RPTOR: variants seen among roughly 807,000 people sequenced by gnomAD.
The protein encoded by RPTOR is regulatory associated protein of MTOR complex 1.
RPTOR carries 21 observed loss-of-function variants against 169.9 expected under a neutral mutation model. That is an observed-to-expected ratio of 0.12 (90% CI 0.09 to 0.18). RPTOR has a LOEUF of 0.18. RPTOR is among the 10% of genes least tolerant of loss of function. The pLI, the probability that RPTOR is intolerant of heterozygous loss-of-function variation, is 1.00. For synonymous variants in RPTOR, 732 were observed against 753.2 expected (o/e 0.97, Z 0.46); for missense variants, 1,133 against 1,855.9 (o/e 0.61, Z 7.16).
intron 7 of RPTOR, chr17:80,802,754 G>GC (rs1483102563): frequency 2.0e-5 from 3 of 152,542 alleles, no homozygotes; most frequent in East Asian, 3.9e-4. Context: ...CCGCAGTGAG[G>GC]CTGAGCGTGT....
chr17:80,874,754 A>G (rs1330065567), intron 13 of RPTOR, among the ~76,000 whole-genome samples: 1 of 152,132 alleles, frequency 6.6e-6, no homozygotes, highest in Non-Finnish European at 1.5e-5. Context: ...TCAACATCTC[A>G]GCACAGCCCT....
chr17:80,601,009 G>A (rs2065181879), intron 1 of RPTOR, among the ~76,000 whole-genome samples: 1 of 152,144 alleles, frequency 6.6e-6, no homozygotes, highest in Non-Finnish European at 1.5e-5. Flanking sequence ...GATCTGGATG[G>A]GCTGTGACTG....
intron 5 of RPTOR, among the ~76,000 whole-genome samples, chr17:80,738,822 A>T (rs1032344619): frequency 6.6e-6 from 1 of 152,234 alleles, no homozygotes; most frequent in Admixed American, 6.5e-5. Context: ...TGTCTTCTTT[A>T]GATGTATCCA....
rs1489321825 is a variant in RPTOR, at chr17:80,921,799, C to A, written c.2521-925C>A. Among the ~76,000 whole-genome samples, 3 of 152,150 alleles carry A rather than the reference C, an allele frequency of 2.0e-5. No homozygotes were observed. The East Asian group carries it at 5.8e-4, about 29-fold the overall frequency. ...TGCCAGCTGTGCACCACCCTGCTCCCCACCCTCCGGGAGCAGCCATCCCCT... is the reference window on the plus strand; with the variant it reads ...TGCCAGCTGTGCACCACCCTGCTCCACACCCTCCGGGAGCAGCCATCCCCT... On this transcript the variant is annotated intron_variant, in intron 21 of 33. Coordinates refer to ENST00000306801, the MANE Select transcript of RPTOR (RefSeq NM_020761.3).
intron 3 of RPTOR, among the ~76,000 whole-genome samples, chr17:80,692,958 C>T (rs756342220): frequency 1.4e-4 from 21 of 152,210 alleles, no homozygotes; most frequent in African/African-American, 3.9e-4. Context: ...TGTGATGACA[C>T]GTATGCGTAA....
At chr17:80,596,593 TA>T (rs1423623459) in intron 1 of RPTOR, among the ~76,000 whole-genome samples, 1 of 152,204 alleles carries the variant, frequency 6.6e-6, no homozygotes, top group African/African-American at 2.4e-5. Context: ...TTAGGTTGTG[TA>T]ACTTTTTTCT....
chr17:80,698,088 TG>T (rs1166691258), intron 3 of RPTOR, among the ~76,000 whole-genome samples: 5 of 89,198 alleles, frequency 5.6e-5, no homozygotes, highest in African/African-American at 2.7e-4. Context: ...CGGGGCAAGG[TG>T]GGGAATTTGA....
At chr17:80,813,691 T>G (rs1051790252) in intron 7 of RPTOR, among the ~76,000 whole-genome samples, 1 of 152,252 alleles carries the variant, frequency 6.6e-6, no homozygotes, top group Non-Finnish European at 1.5e-5. Context: ...GACCTTGGCA[T>G]GGAACCTTTG....
chr17:80,963,068 C>T lies in RPTOR; in HGVS notation c.3939+11C>T, dbSNP rs375755561. 2.2e-4 allele frequency: 34 copies of T among 157,700 alleles called. No homozygotes were observed. Among genetic ancestry groups the T allele is most frequent in the Admixed American group, 3.9e-4 (2 of 5,170 alleles). 9.8% of individuals were successfully genotyped at this position (157,700 alleles called of 1,614,324 possible). Reference sequence around the variant, plus strand: ...TTCCACCCGCACTGGGTCAGTGTGGCGGTGGGTGGGGGTCGGGGGTCGGGG... The same window carrying T: ...TTCCACCCGCACTGGGTCAGTGTGGTGGTGGGTGGGGGTCGGGGGTCGGGG... On this transcript the variant is annotated intron_variant, in intron 33 of 33. Coordinates refer to ENST00000306801, the MANE Select transcript of RPTOR (RefSeq NM_020761.3).
At position 80,947,854 on chromosome 17, in the gene RPTOR, C is replaced by CAGTGGTTCATTGCCGT. The variant is rs2069121812; in HGVS notation, c.3265+509_3265+524dup. Among the ~76,000 whole-genome samples, 1 of 152,216 alleles carries CAGTGGTTCATTGCCGT rather than the reference C, an allele frequency of 6.6e-6. No individual in the cohort carries two copies. Among genetic ancestry groups the CAGTGGTTCATTGCCGT allele is most frequent in the South Asian group, 2.1e-4 (1 of 4,830 alleles). Reference sequence around the variant, plus strand: ...ATCGTTGACCATCATGGTCGCTGACCAGTGGTTCATTGCCGTAGTGGGTCT... The same window carrying CAGTGGTTCATTGCCGT: ...ATCGTTGACCATCATGGTCGCTGACCAGTGGTTCATTGCCGTAGTGGTTCATTGCCGTAGTGGGTCT... On this transcript the variant is annotated intron_variant, in intron 27 of 33. Transcript: ENST00000306801. This position sits in a 1 kb window ranked among gnomAD's most constrained non-coding sequence, Gnocchi z 4.4.
In RPTOR at chr17:80,800,209, C is replaced by G. The variant is rs182763615; in HGVS notation, c.890+8700C>G. On this transcript the variant is annotated intron_variant, in intron 7 of 33. Transcript: ENST00000306801. ...CATGGCATAGCGTCCCTGCTGCCCCCAGACGGTCAGAAATCCAACCCGAGT... is the reference window on the plus strand; with the variant it reads ...CATGGCATAGCGTCCCTGCTGCCCCGAGACGGTCAGAAATCCAACCCGAGT... 2.5e-3 allele frequency among the ~76,000 whole-genome samples: 383 copies of G among 152,354 alleles called. 6 individuals carry two copies. The highest frequency in any genetic ancestry group is 0.021 in the Admixed American group (323 of 15,310).
chr17:80,690,145 A>G (rs1330728827), intron 3 of RPTOR, among the ~76,000 whole-genome samples: 1 of 151,988 alleles, frequency 6.6e-6, no homozygotes, highest in South Asian at 2.1e-4. Context: ...ACATATACCC[A>G]TCATCTATCT....
chr17:80,724,317 G>C (rs2066312183), intron 4 of RPTOR, among the ~76,000 whole-genome samples: 1 of 151,192 alleles, frequency 6.6e-6, no homozygotes, highest in South Asian at 2.1e-4. Context: ...AGGGTCAGGA[G>C]AGAGGAGACA....
intron 3 of RPTOR, among the ~76,000 whole-genome samples, chr17:80,704,134 A>G (rs1230569595): frequency 1.3e-5 from 2 of 152,136 alleles, no homozygotes; most frequent in East Asian, 1.9e-4. Context: ...CATTCTTTCT[A>G]CCTATCCACC....
Position 80,659,150 on chromosome 17 carries a change from A to G in RPTOR, c.348+15340A>G, listed in dbSNP as rs1243969521. On this transcript the variant is annotated intron_variant, in intron 3 of 33. Coordinates refer to ENST00000306801, the MANE Select transcript of RPTOR (RefSeq NM_020761.3). This position sits in a 1 kb window ranked among gnomAD's most constrained non-coding sequence, Gnocchi z 4.3. ...CATCACGTCCTGCAGGCTGGAGCCCATGAGTGGTCCCCGAGAGATTGCCTC... is the reference window on the plus strand; with the variant it reads ...CATCACGTCCTGCAGGCTGGAGCCCGTGAGTGGTCCCCGAGAGATTGCCTC... Among the ~76,000 whole-genome samples, 2 of 152,212 alleles carry G rather than the reference A, an allele frequency of 1.3e-5. No homozygotes were observed. The highest frequency in any genetic ancestry group is 2.9e-5 in the Non-Finnish European group (2 of 68,038).
chr17:80,710,490 G>A (rs1271940764), intron 4 of RPTOR, among the ~76,000 whole-genome samples: 3 of 151,692 alleles, frequency 2.0e-5, no homozygotes, highest in South Asian at 2.1e-4. Flanking sequence ...CACCATTATC[G>A]AATTAAGAAA....
intron 17 of RPTOR, 71 bp downstream of exon 17, chr17:80,885,219 G>A (rs957340042): frequency 1.2e-5 from 18 of 1,508,996 alleles, no homozygotes; most frequent in Middle Eastern, 1.9e-4. Flanking sequence ...GGCCAAGCCC[G>A]CATGGCCCTG....
intron 25 of RPTOR, among the ~76,000 whole-genome samples, chr17:80,945,289 T>C (rs895639827): frequency 4.6e-5 from 7 of 151,262 alleles, no homozygotes; most frequent in African/African-American, 1.7e-4. Context: ...AACAGGACAC[T>C]GTCTTTAAAA....
chr17:80,581,871 A>G (rs1460320185), intron 1 of RPTOR, among the ~76,000 whole-genome samples: 1 of 152,200 alleles, frequency 6.6e-6, no homozygotes, highest in Non-Finnish European at 1.5e-5. Flanking sequence ...AGCACACCTG[A>G]GAAATGGTGG....
Sources: gnomAD v4.1 joint callset for allele counts (sites outside exome capture counted in the v4.1 genomes callset) on GRCh38, gnomAD v4.1.1 for gene constraint, Gnocchi (gnomAD v3.1) non-coding constraint, MANE v1.5 for transcripts, NCBI Gene and HGNC (gene_info 2026-07-23, HGNC 2026-07-21) for gene names.